The following MYO7B variants were observed in gnomAD, a reference collection of about 807,000 sequenced individuals.
MYO7B encodes myosin VIIB, also known as unconventional myosin-VIIb.
A neutral mutation model predicts 259.7 loss-of-function variants in MYO7B; 212 were observed. The observed-to-expected ratio is 0.82, with a 90% CI of 0.73 to 0.91. The LOEUF (loss-of-function observed/expected upper bound fraction) is 0.91. MYO7B is among the 40% of genes least tolerant of loss of function. The pLI is 0.00. For synonymous variants in MYO7B, 1,197 were observed against 1,166.4 expected, an observed-to-expected ratio of 1.03 and a Z score of -0.54; for missense variants, 2,732 against 2,813.5, an observed-to-expected ratio of 0.97 and a Z score of 0.66.
Position 127,577,223 on chromosome 2 carries a change from C to T in MYO7B, c.849+515C>T, listed in dbSNP as rs1039808707. ...ACTGCGCCTCCTGGTTTATTGACCA[C>T]AGAGTGGACCCAGAGCATTCTGCCT... On this transcript the variant is annotated intron_variant, in intron 8 of 47. Coordinates refer to ENST00000409816, the MANE Select transcript of MYO7B (RefSeq NM_001393586.1). This position sits in a 1 kb window ranked among gnomAD's most constrained non-coding sequence, Gnocchi z 5.2. Among the ~76,000 whole-genome samples the T allele has an allele frequency of 1.3e-5, 2 of 152,166 alleles. No individual in the cohort carries two copies. The highest frequency in any genetic ancestry group is 4.8e-5 in the African/African-American group (2 of 41,436).
At position 127,627,387 on chromosome 2, in the gene MYO7B, G is replaced by T; in HGVS notation, c.4460+77G>T. 5.4e-6 allele frequency: 8 copies of T among 1,492,842 alleles called. No individual in the cohort carries two copies. The highest frequency in any genetic ancestry group is 6.4e-6 in the Non-Finnish European group (7 of 1,090,392). The allele number at this position is 1,492,842 out of a possible 1,614,324, so 92.5% of individuals were successfully genotyped here. A position where few individuals can be genotyped will look rare whatever the true frequency, so the allele number is the denominator to read the frequency against. On this transcript the variant is annotated intron_variant, in intron 33 of 47. Transcript: ENST00000409816. The surrounding 1 kb of genome is among the most constrained non-coding windows in gnomAD (Gnocchi z 5.6). The stretch of plus-strand genomic sequence containing the variant: ...ATCTGGGGGCTCGGGGAGAGATGGG[G>T]AGAGGGGCAGTGTGCCGTCCCGGGT...
chr2:127,635,245 T>C lies in MYO7B; in HGVS notation c.5820+19T>C, dbSNP rs1398625119. 1.3e-6 allele frequency: 2 copies of C among 1,595,406 alleles called. No individual in the cohort carries two copies. Among genetic ancestry groups the C allele is most frequent in the African/African-American group, 2.7e-5 (2 of 74,512 alleles). ...CCACCAGGTACCGGGCAGGCTGCCC[T>C]GGTGGGCACTGGGGCCACCCCCATC... is the stretch of plus-strand genomic sequence containing the variant. On this transcript the variant is annotated intron_variant, in intron 43 of 47. Transcript: ENST00000409816.
intron 1 of MYO7B, among the ~76,000 whole-genome samples, chr2:127,549,335 T>C (rs1387383593): frequency 6.6e-6 from 1 of 152,166 alleles, no homozygotes; most frequent in Non-Finnish European, 1.5e-5. Context: ...TTTCAACTGG[T>C]ATTTTTATTA....
chr2:127,563,983 T>A (rs546728606), intron 2 of MYO7B, among the ~76,000 whole-genome samples, 170 bp from the exon 3 acceptor site: 1 of 151,930 alleles, frequency 6.6e-6, no homozygotes, highest in East Asian at 1.9e-4. Flanking sequence ...ACCTGCCCAG[T>A]GAGCAGGGAG....
At chr2:127,596,631 A>G in intron 19 of MYO7B, 75 bp downstream of exon 19, 1 of 1,253,454 alleles carries the variant, frequency 8.0e-7, no homozygotes, top group Non-Finnish European at 1.1e-6. Context: ...CAGCCCACAA[A>G]CCAGGATCAC....
intron 24 of MYO7B, 138 bp from the exon 25 acceptor site, chr2:127,612,112 A>C: frequency 2.4e-6 from 1 of 421,618 alleles, no homozygotes; most frequent in Non-Finnish European, 4.8e-6. Context: ...AAGCTGAGGG[A>C]CTGCATGGTG....
Position 127,577,196 on chromosome 2 carries a change from G to A in MYO7B, c.849+488G>A, listed in dbSNP as rs1678905137. Among the ~76,000 whole-genome samples, 1 of 152,138 alleles carries A rather than the reference G, an allele frequency of 6.6e-6. No homozygotes were observed. On this transcript the variant is annotated intron_variant, in intron 8 of 47. Transcript: ENST00000409816. The surrounding 1 kb of genome is among the most constrained non-coding windows in gnomAD (Gnocchi z 5.2). ...AGCTGAGGCTCCCTGGCCCTCAGGA[G>A]AACTGCGCCTCCTGGTTTATTGACC...
intron 40 of MYO7B, among the ~76,000 whole-genome samples, chr2:127,633,932 G>A (rs1439842379): frequency 6.6e-6 from 1 of 152,218 alleles, no homozygotes; most frequent in Non-Finnish European, 1.5e-5. Context: ...CCCACAGTCT[G>A]GCTGCTGGGC....
In MYO7B at chr2:127,629,644, G is replaced by A. The variant is rs367608882; in HGVS notation, c.4625-1G>A. ...AGCAAATAGCCTCCCTGCCCTTACA[G>A]ATGACACCACCCTCCTGGCCTTCAA... is the stretch of plus-strand genomic sequence containing the variant. On this transcript the variant is annotated splice_acceptor_variant, in intron 34 of 47. Coordinates refer to ENST00000409816, the MANE Select transcript of MYO7B (RefSeq NM_001393586.1). LOFTEE classifies it high-confidence loss of function. The A allele has an allele frequency of 6.2e-7, 1 of 1,611,618 alleles. No individual in the cohort carries two copies. Among genetic ancestry groups the A allele is most frequent in the Admixed American group, 1.7e-5 (1 of 59,804 alleles).
rs575690621 is a variant in MYO7B, at chr2:127,624,038, C to T, written c.3820-55C>T. ...TGCACACGCTGACGGTGGGCGTCCC[C>T]GTGGGGTGGGGCATGCAACAGCCGC... On this transcript the variant is annotated intron_variant, in intron 29 of 47. Transcript: ENST00000409816. 99 of 1,480,592 alleles carry T rather than the reference C, an allele frequency of 6.7e-5. No individual in the cohort carries two copies. In the African/African-American group the frequency reaches 9.3e-4, roughly 14 times the overall value. 91.7% of individuals were successfully genotyped at this position (1,480,592 alleles called of 1,614,324 possible).
chr2:127,588,315 C>A, intron 14 of MYO7B, 77 bp from the exon 15 acceptor site: 7 of 1,524,532 alleles, frequency 4.6e-6, no homozygotes, highest in Non-Finnish European at 6.2e-6. Flanking sequence ...TGTATTCCCC[C>A]ACACTGCCCT....
At position 127,636,695 on chromosome 2, in the gene MYO7B, A is replaced by G. The variant is rs1454533240; in HGVS notation, c.6207+67A>G. ...CAGGGACCTGTGCAGGTGGGGCTGC[A>G]GTCATCTCTGCGGTGTGTCCTGCCT... On this transcript the variant is annotated intron_variant, in intron 46 of 47. Coordinates refer to ENST00000409816, the MANE Select transcript of MYO7B (RefSeq NM_001393586.1). The surrounding 1 kb of genome is among the most constrained non-coding windows in gnomAD (Gnocchi z 4.5). 5 of 1,608,494 alleles carry G rather than the reference A, an allele frequency of 3.1e-6. No individual in the cohort carries two copies. In the African/African-American group the frequency reaches 5.4e-5, roughly 17 times the overall value.
chr2:127,569,795 G>A lies in MYO7B; in HGVS notation c.477G>A (p.Glu159=). 1 of 1,611,480 alleles carries A rather than the reference G, an allele frequency of 6.2e-7. No homozygotes were observed. ...CTGCACACCCTTTTTGCAGCGGCGA[G>A]TCTGGGGCTGGCAAGACGGAGACCA... The part of the protein sequence containing the change: ...KRDQCCIISG[E]SGAGKTETTK... Residue 159 remains glutamate (E), a synonymous_variant, in exon 6 of 48, where the codon GAG becomes GAA. Coordinates refer to ENST00000409816, the MANE Select transcript of MYO7B (RefSeq NM_001393586.1).
At chr2:127,587,816 C>G (rs1679362103) in intron 14 of MYO7B, among the ~76,000 whole-genome samples, 1 of 152,044 alleles carries the variant, frequency 6.6e-6, no homozygotes, top group African/African-American at 2.4e-5. Context: ...ATCCACCTGC[C>G]TCAGCCTCCC....
intron 19 of MYO7B, among the ~76,000 whole-genome samples, chr2:127,601,052 A>C (rs1474620428): frequency 6.6e-6 from 1 of 152,260 alleles, no homozygotes; most frequent in Non-Finnish European, 1.5e-5. Context: ...CTCAGAAGAA[A>C]AATTAAATTT....
In MYO7B at chr2:127,609,474, T is replaced by C. The variant is rs767205633; in HGVS notation, c.2815-32T>C. The C allele has an allele frequency of 1.9e-6, 3 of 1,584,560 alleles. No homozygotes were observed. In the East Asian group the frequency reaches 6.9e-5, roughly 36 times the overall value. On this transcript the variant is annotated intron_variant, in intron 22 of 47. Transcript: ENST00000409816. The surrounding 1 kb of genome is among the most constrained non-coding windows in gnomAD (Gnocchi z 6.9). Reference sequence around the variant, plus strand: ...TGGGTTGGTTGTTACCTGAAAGCCCTGCTGACCCGTGTTCTCCCTCAATGG... The same window carrying C: ...TGGGTTGGTTGTTACCTGAAAGCCCCGCTGACCCGTGTTCTCCCTCAATGG...
rs1558853074 is a variant in MYO7B, at chr2:127,631,755, T to C, written c.5249+2T>C. On this transcript the variant is annotated splice_donor_variant, in intron 38 of 47. Coordinates refer to ENST00000409816, the MANE Select transcript of MYO7B (RefSeq NM_001393586.1). LOFTEE classifies it high-confidence loss of function. ...GCAGCTGACGCACAACTCCAACAGG[T>C]CTGCTGGGGCGGCGGCCAGCCCACG... 6.2e-7 allele frequency: 1 copy of C among 1,611,996 alleles called. No individual in the cohort carries two copies. The highest frequency in any genetic ancestry group is 8.5e-7 in the Non-Finnish European group (1 of 1,179,448).
chr2:127,543,362 A>G (rs902251783), intron 1 of MYO7B, among the ~76,000 whole-genome samples: 3 of 152,176 alleles, frequency 2.0e-5, no homozygotes, highest in African/African-American at 4.8e-5. Flanking sequence ...GCACAGCCGT[A>G]AATCCATTAA....
chr2:127,625,638 A>C, intron 31 of MYO7B, 103 bp downstream of exon 31: 11 of 1,257,728 alleles, frequency 8.7e-6, no homozygotes, highest in Non-Finnish European at 1.1e-5. Flanking sequence ...CACAACCCCC[A>C]CCCCCTGGGG....
Sources: gnomAD v4.1 joint callset for allele counts (sites outside exome capture counted in the v4.1 genomes callset) on GRCh38, gnomAD v4.1.1 for gene constraint, Gnocchi (gnomAD v3.1) non-coding constraint, MANE v1.5 for transcripts, NCBI Gene and HGNC (gene_info 2026-07-23, HGNC 2026-07-21) for gene names.